The following DAB1 variants were observed in gnomAD, a reference collection of about 807,000 sequenced individuals.
DAB1 encodes disabled homolog 1.
Under a neutral mutation model 64.6 loss-of-function variants are expected in DAB1, and 15 were observed. That is an observed-to-expected ratio of 0.23 (90% CI 0.16 to 0.36). DAB1 has a LOEUF of 0.36. Ranked by LOEUF, DAB1 falls within the 10% of genes least tolerant of loss-of-function variation. The pLI is 1.00. For synonymous variants in DAB1, 235 were observed against 251.9 expected (o/e 0.93, Z 0.64); for missense variants, 596 against 706.7 (o/e 0.84, Z 1.78).
intron 4 of DAB1, among the ~76,000 whole-genome samples, chr1:57,116,480 A>AAAAAAAAG (rs1553144211): frequency 1.0e-3 from 137 of 131,078 alleles, no homozygotes; most frequent in East Asian, 4.0e-3. Context: ...AAAAAAAAAA[A>AAAAAAAAG]AAAGAAAGAA....
chr1:57,724,335 A>G (rs1570770040), intron 6 of DAB1, among the ~76,000 whole-genome samples: 1 of 83,022 alleles, frequency 1.2e-5, no homozygotes, highest in South Asian at 4.8e-4. Context: ...AGGAAGGAAG[A>G]GAGGGGAGGG....
At chr1:57,146,647 A>T (rs1416404029) in intron 2 of DAB1, among the ~76,000 whole-genome samples, 1 of 152,232 alleles carries the variant, frequency 6.6e-6, no homozygotes, top group Non-Finnish European at 1.5e-5. Flanking sequence ...GACAAAACAC[A>T]ACTTTCATTT....
chr1:57,015,307 T>G lies in DAB1; in HGVS notation c.1020A>C (p.Ala340=), dbSNP rs1322046798. The G allele has an allele frequency of 6.2e-7, 1 of 1,613,922 alleles. No homozygotes were observed. The highest frequency in any genetic ancestry group is 2.2e-5 in the East Asian group (1 of 44,878). The change falls in exon 12 of 15, where the codon GCA becomes GCC. Residue 340 remains alanine (A), a synonymous_variant. Transcript: ENST00000371236. ...CAGGAAAGAGACCCGGCTGGCCCCA[T>G]GCGATGGGCTGAGCCCCCGGCATCA... ...AQVMPGAQPI[A]WGQPGLFPAT... is the part of the protein sequence containing the mutation.
chr1:57,407,619 G>A lies in DAB1; in HGVS notation c.-137+16311C>T, dbSNP rs75137956. ...CCCTATAAGAACTTATTTTTCGGCC[G>A]AGGCCCAGAGAGTGAAGAGTCTTGC... On this transcript the variant is annotated intron_variant, in intron 1 of 14. Coordinates refer to ENST00000371236, the MANE Select transcript of DAB1 (RefSeq NM_001365792.1). Among the ~76,000 whole-genome samples the A allele has an allele frequency of 4.4e-3, 677 of 152,212 alleles. 1 individual carries two copies. The highest frequency in any genetic ancestry group is 0.015 in the African/African-American group (616 of 41,522).
chr1:58,340,359 T>G (rs1385213141), intron 4 of DAB1, among the ~76,000 whole-genome samples: 3 of 152,212 alleles, frequency 2.0e-5, no homozygotes, highest in Non-Finnish European at 4.4e-5. Context: ...GTCACCCTCA[T>G]GAGCCGGGCC....
intron 5 of DAB1, among the ~76,000 whole-genome samples, chr1:58,128,353 T>C (rs553000056): frequency 1.4e-5 from 2 of 146,980 alleles, no homozygotes; most frequent in African/African-American, 5.1e-5. Context: ...CTTAAGGAGA[T>C]TTTGGGCTGA....
intron 7 of DAB1, chr1:57,070,747 C>T (rs1651371829): frequency 4.4e-6 from 2 of 457,320 alleles, no homozygotes; most frequent in Admixed American, 7.3e-5. Flanking sequence ...ACATTCAGCT[C>T]TGGGATCAAA....
chr1:58,146,688 T>C (rs1430683278), intron 5 of DAB1, among the ~76,000 whole-genome samples: 1 of 148,668 alleles, frequency 6.7e-6, no homozygotes, highest in African/African-American at 2.5e-5. Flanking sequence ...CATATCCTTT[T>C]TTAAGGCTGA....
At chr1:57,861,456 C>T (rs1005244257) in intron 1 of DAB1, among the ~76,000 whole-genome samples, 1 of 152,096 alleles carries the variant, frequency 6.6e-6, no homozygotes, top group Non-Finnish European at 1.5e-5. Flanking sequence ...CCCTCATGAC[C>T]TAATTACCTG....
chr1:58,220,007 A>G (rs902316594), intron 4 of DAB1, among the ~76,000 whole-genome samples: 8 of 152,370 alleles, frequency 5.3e-5, no homozygotes, highest in African/African-American at 1.9e-4. Context: ...AGACAATAAT[A>G]AAAAGCCTGT....
At chr1:57,712,113 A>G (rs1647035665) in intron 6 of DAB1, among the ~76,000 whole-genome samples, 3 of 152,204 alleles carry the variant, frequency 2.0e-5, no homozygotes, top group Admixed American at 2.0e-4. Context: ...GTTTTAGTCA[A>G]GTACTATATG....
intron 6 of DAB1, among the ~76,000 whole-genome samples, chr1:57,675,433 G>A (rs191445313): frequency 1.2e-3 from 184 of 152,258 alleles, no homozygotes; most frequent in African/African-American, 4.3e-3. Context: ...GGGCTTCCCT[G>A]GTACATTAGC....
At chr1:58,132,632 T>C (rs1297410307) in intron 5 of DAB1, among the ~76,000 whole-genome samples, 1 of 152,110 alleles carries the variant, frequency 6.6e-6, no homozygotes, top group Non-Finnish European at 1.5e-5. Context: ...TGAAGGAGCA[T>C]CTCACTTCTT....
intron 6 of DAB1, among the ~76,000 whole-genome samples, chr1:57,672,366 A>G (rs1440519307): frequency 1.3e-5 from 2 of 152,186 alleles, no homozygotes; most frequent in Non-Finnish European, 2.9e-5. Context: ...AAGTGAACCT[A>G]AAAGACCAAC....
chr1:57,790,546 A>T (rs1650545779), intron 6 of DAB1, among the ~76,000 whole-genome samples: 1 of 152,160 alleles, frequency 6.6e-6, no homozygotes, highest in African/African-American at 2.4e-5. Flanking sequence ...TGAATGTGGG[A>T]AAGACAAGTA....
At chr1:58,383,056 G>T (rs1275100028) in intron 3 of DAB1, among the ~76,000 whole-genome samples, 1 of 152,216 alleles carries the variant, frequency 6.6e-6, no homozygotes, top group Non-Finnish European at 1.5e-5. Flanking sequence ...AGAGTTACAA[G>T]AGCATAAGAA....
At position 57,431,073 on chromosome 1, in the gene DAB1, G is replaced by A. The variant is rs114545146; in HGVS notation, n.626-139907C>T. On this transcript the variant is annotated intron_variant and non_coding_transcript_variant, in intron 7 of 20. Transcript: ENST00000485760. The stretch of plus-strand genomic sequence containing the variant: ...TAGCATGTGAAGAGGACTTCATGAA[G>A]GAAGTGACATCATCCTGAAAGATAA... Among the ~76,000 whole-genome samples, 1,344 of 147,374 alleles carry A rather than the reference G, an allele frequency of 9.1e-3. 14 individuals are homozygous for A. The highest frequency in any genetic ancestry group is 0.033 in the African/African-American group (1,274 of 39,100).
At chr1:57,782,605 C>T (rs952543760) in intron 6 of DAB1, among the ~76,000 whole-genome samples, 1 of 152,146 alleles carries the variant, frequency 6.6e-6, no homozygotes, top group East Asian at 1.9e-4. Flanking sequence ...CTCTCTCTTG[C>T]CTGGCATTAA....
At chr1:57,235,397 T>C (rs1165165762) in intron 2 of DAB1, among the ~76,000 whole-genome samples, 9 of 152,306 alleles carry the variant, frequency 5.9e-5, no homozygotes, top group Admixed American at 2.0e-4. Context: ...TATTGAAGAT[T>C]GCGATGTGGA....
Sources: allele counts gnomAD v4.1 joint callset (sites outside exome capture counted in the v4.1 genomes callset), GRCh38; gene constraint gnomAD v4.1.1; transcripts MANE v1.5; gene names NCBI Gene and HGNC (gene_info 2026-07-23, HGNC 2026-07-21).